DIP2C: variants seen among roughly 807,000 people sequenced by gnomAD.
DIP2C encodes the protein disco-interacting protein 2 homolog C.
DIP2C carries 33 observed loss-of-function variants against 192.4 expected under a neutral mutation model. That is an observed-to-expected ratio of 0.17 (90% CI 0.13 to 0.23). DIP2C has a LOEUF of 0.23. Ranked by LOEUF, DIP2C falls within the 10% of genes least tolerant of loss-of-function variation. The pLI is 1.00. For synonymous variants in DIP2C, 979 were observed against 864.1 expected (o/e 1.13, Z -2.33); for missense variants, 1,537 against 2,110.1 (o/e 0.73, Z 5.32).
intron 1 of DIP2C, among the ~76,000 whole-genome samples, chr10:578,526 T>G (rs999869882): frequency 3.3e-5 from 5 of 152,172 alleles, no homozygotes; most frequent in African/African-American, 1.2e-4. Context: ...AACACACACA[T>G]CAAGGAAGTG....
chr10:643,101 G>A (rs964773538), intron 1 of DIP2C, among the ~76,000 whole-genome samples: 6 of 152,168 alleles, frequency 3.9e-5, no homozygotes, highest in South Asian at 2.1e-4. Flanking sequence ...CTACTTGGGG[G>A]CTGAGGCAGG....
intron 1 of DIP2C, among the ~76,000 whole-genome samples, chr10:642,349 G>A (rs1027196271): frequency 1.2e-4 from 18 of 152,126 alleles, no homozygotes; most frequent in African/African-American, 3.6e-4. Flanking sequence ...GGTGGGGCAG[G>A]GTTTGCACTT....
intron 1 of DIP2C, chr10:630,878 C>T (rs1328772447): frequency 6.6e-6 from 1 of 152,316 alleles, no homozygotes; most frequent in Non-Finnish European, 1.5e-5. Flanking sequence ...CAGGCAACGG[C>T]AGGGCCCGGC....
chr10:507,640 A>T (rs1845708567), intron 1 of DIP2C, among the ~76,000 whole-genome samples: 2 of 152,350 alleles, frequency 1.3e-5, no homozygotes, highest in South Asian at 4.1e-4. Flanking sequence ...TCAAAACTTG[A>T]AATCTTTAGA....
At chr10:612,245 T>C (rs1383161781) in intron 1 of DIP2C, among the ~76,000 whole-genome samples, 1 of 151,088 alleles carries the variant, frequency 6.6e-6, no homozygotes, top group Non-Finnish European at 1.5e-5. Context: ...TGAGCCAAGG[T>C]CACACCACTG....
At chr10:445,659 T>G (rs1326588329) in intron 3 of DIP2C, among the ~76,000 whole-genome samples, 1 of 142,142 alleles carries the variant, frequency 7.0e-6, no homozygotes, top group Non-Finnish European at 1.5e-5. Flanking sequence ...TGTATACATC[T>G]GTTGTGAAGA....
At chr10:634,131 C>A (rs1854689158) in intron 1 of DIP2C, among the ~76,000 whole-genome samples, 1 of 152,192 alleles carries the variant, frequency 6.6e-6, no homozygotes, top group South Asian at 2.1e-4. Flanking sequence ...TCAGAAAGAG[C>A]CTCCCAGTCC....
intron 31 of DIP2C, among the ~76,000 whole-genome samples, chr10:321,470 A>C (rs1276227955): frequency 6.6e-6 from 1 of 152,192 alleles, no homozygotes; most frequent in Non-Finnish European, 1.5e-5. Context: ...CCTGGAGATA[A>C]AACTCTTCCC....
At chr10:480,938 T>C (rs1843558098) in intron 2 of DIP2C, among the ~76,000 whole-genome samples, 1 of 152,200 alleles carries the variant, frequency 6.6e-6, no homozygotes, top group Admixed American at 6.5e-5. Context: ...TCCCCTCCTC[T>C]GGGATTTAAG....
intron 29 of DIP2C, 142 bp from the exon 30 acceptor site, chr10:329,743 A>G: frequency 9.3e-7 from 1 of 1,076,150 alleles, no homozygotes; most frequent in South Asian, 1.7e-5. Context: ...AGGGCACAGT[A>G]AAGCCAACGC....
At position 356,191 on chromosome 10, in the gene DIP2C, T is replaced by C. The variant is rs569662188; in HGVS notation, c.2985+235A>G. The C allele has an allele frequency of 2.2e-5, 13 of 600,296 alleles. No homozygotes were observed. The Admixed American group carries it at 2.6e-4, about 12-fold the overall frequency. The allele number at this position is 600,296 out of a possible 1,614,324, so 37.2% of individuals were successfully genotyped here. On this transcript the variant is annotated intron_variant, in intron 24 of 36. Transcript: ENST00000280886. ...CATTACTCATTTTGGGGGAGAAATA[T>C]TGTAAATAGGTTGCTAAAATATCTG... is the stretch of plus-strand genomic sequence containing the variant.
rs542252583 is a variant in DIP2C, at chr10:294,428, G to A, written c.3987-6007C>T. Among the ~76,000 whole-genome samples the A allele has an allele frequency of 2.6e-5, 4 of 152,052 alleles. No homozygotes were observed. In the South Asian group the frequency reaches 6.2e-4, roughly 24 times the overall value. On this transcript the variant is annotated intron_variant, in intron 32 of 36. Coordinates refer to ENST00000280886, the MANE Select transcript of DIP2C (RefSeq NM_014974.3). ...TTGAGACCAGCCTAGGCAATGTGGC[G>A]AGACCCCATCTCTACAAAAAATGCA...
At chr10:388,849 G>A (rs1963207208) in intron 13 of DIP2C, among the ~76,000 whole-genome samples, 2 of 152,350 alleles carry the variant, frequency 1.3e-5, no homozygotes, top group Admixed American at 1.3e-4. Flanking sequence ...CCGCAGCGGT[G>A]CCCTGTCAGG....
chr10:480,728 G>C (rs1843542936), intron 2 of DIP2C, among the ~76,000 whole-genome samples: 1 of 152,228 alleles, frequency 6.6e-6, no homozygotes, highest in Admixed American at 6.5e-5. Context: ...TTGCTGAAAA[G>C]ACCAGGAAAT....
At chr10:464,092 C>T (rs1183402199) in intron 3 of DIP2C, among the ~76,000 whole-genome samples, 1 of 152,136 alleles carries the variant, frequency 6.6e-6, no homozygotes. Flanking sequence ...TGGCCAAAGA[C>T]TTCAATACTA....
At chr10:449,708 C>G (rs1968672427) in intron 3 of DIP2C, among the ~76,000 whole-genome samples, 1 of 148,602 alleles carries the variant, frequency 6.7e-6, no homozygotes, top group Non-Finnish European at 1.5e-5. Flanking sequence ...GTGCAGCGCA[C>G]CAGCATGGCA....
At chr10:445,495 G>A (rs745331284) in intron 3 of DIP2C, among the ~76,000 whole-genome samples, 10 of 150,802 alleles carry the variant, frequency 6.6e-5, no homozygotes, top group Non-Finnish European at 1.3e-4. Flanking sequence ...CAACTGTTGT[G>A]AAGAGTCTAT....
Position 363,151 on chromosome 10 carries a change from A to T in DIP2C, c.2592+46T>A, listed in dbSNP as rs928677562. 1.3e-6 allele frequency: 2 copies of T among 1,557,630 alleles called. No individual in the cohort carries two copies. Among genetic ancestry groups the T allele is most frequent in the African/African-American group, 2.7e-5 (2 of 73,900 alleles). On this transcript the variant is annotated intron_variant, in intron 21 of 36. Coordinates refer to ENST00000280886, the MANE Select transcript of DIP2C (RefSeq NM_014974.3). This position sits in a 1 kb window ranked among gnomAD's most constrained non-coding sequence, Gnocchi z 5.4. ...ATGATCTGAATGAAGTAAGGAGGCC[A>T]GAAACAAGACACAGGGGACCAGTGC...
intron 3 of DIP2C, among the ~76,000 whole-genome samples, chr10:466,106 G>A (rs1970177970): frequency 6.8e-6 from 1 of 147,684 alleles, no homozygotes; most frequent in Admixed American, 6.8e-5. Context: ...AAAGAACAAA[G>A]CTGGAGGCAT....
Sources: allele counts gnomAD v4.1 joint callset (sites outside exome capture counted in the v4.1 genomes callset), GRCh38; gene constraint gnomAD v4.1.1; non-coding constraint Gnocchi (gnomAD v3.1); transcripts MANE v1.5; gene names NCBI Gene and HGNC (gene_info 2026-07-23, HGNC 2026-07-21).